ARHGAP24: variants seen among roughly 807,000 people sequenced by gnomAD.
The protein encoded by ARHGAP24 is Rho GTPase activating protein 24.
A neutral mutation model predicts 76.4 loss-of-function variants in ARHGAP24; 50 were observed. The ratio of observed to expected loss-of-function variants is 0.65; its 90% CI spans 0.52 to 0.83. ARHGAP24 has a LOEUF of 0.83. ARHGAP24 is among the 40% of genes least tolerant of loss of function. The probability of loss-of-function intolerance (pLI) is 0.00; values close to 1 mark genes in which losing one functional copy is unlikely to be tolerated. For missense variants in ARHGAP24, 930 were observed against 914.2 expected (o/e 1.02, Z -0.22); for synonymous variants, 345 against 323.3 (o/e 1.07, Z -0.72).
chr4:85,929,704 T>C (rs1560724427), intron 4 of ARHGAP24, among the ~76,000 whole-genome samples: 1 of 152,240 alleles, frequency 6.6e-6, no homozygotes, highest in Non-Finnish European at 1.5e-5. Context: ...TCTTTGCCAC[T>C]GGATTTTAAA....
At chr4:85,960,330 A>G (rs1396711442) in intron 5 of ARHGAP24, among the ~76,000 whole-genome samples, 1 of 152,160 alleles carries the variant, frequency 6.6e-6, no homozygotes, top group African/African-American at 2.4e-5. Context: ...TCTCTAAGGA[A>G]TTAATAGTAA....
At chr4:85,821,034 A>T (rs948240918) in intron 3 of ARHGAP24, among the ~76,000 whole-genome samples, 1 of 152,214 alleles carries the variant, frequency 6.6e-6, no homozygotes, top group Non-Finnish European at 1.5e-5. Flanking sequence ...GATTGGAGGT[A>T]CAACTAAAAA....
chr4:85,540,692 T>A (rs1243841102), intron 1 of ARHGAP24, among the ~76,000 whole-genome samples: 1 of 152,218 alleles, frequency 6.6e-6, no homozygotes, highest in Admixed American at 6.5e-5. Flanking sequence ...TAATCACATC[T>A]GGCTCCATGC....
At chr4:85,657,777 C>T (rs1478736074) in intron 2 of ARHGAP24, among the ~76,000 whole-genome samples, 1 of 152,184 alleles carries the variant, frequency 6.6e-6, no homozygotes, top group African/African-American at 2.4e-5. Flanking sequence ...TATTTTGAGA[C>T]AGGGTCTCAT....
At chr4:85,853,051 C>T (rs1731328597) in intron 3 of ARHGAP24, among the ~76,000 whole-genome samples, 2 of 152,224 alleles carry the variant, frequency 1.3e-5, no homozygotes, top group South Asian at 4.1e-4. Flanking sequence ...GTTTCTGCTG[C>T]CTTTTGTTCA....
chr4:85,513,140 A>G (rs1724348993), intron 1 of ARHGAP24, among the ~76,000 whole-genome samples: 1 of 152,272 alleles, frequency 6.6e-6, no homozygotes, highest in Non-Finnish European at 1.5e-5. Context: ...CCAATTATCC[A>G]CAGAAACATC....
intron 9 of ARHGAP24, 144 bp downstream of exon 9, chr4:85,995,801 G>A (rs1336322412): frequency 2.4e-6 from 2 of 820,382 alleles, no homozygotes; most frequent in Non-Finnish European, 4.0e-6. Flanking sequence ...CTTTGTGACT[G>A]TGTGCAAGTT....
At chr4:85,527,468 A>C (rs138644110) in intron 1 of ARHGAP24, among the ~76,000 whole-genome samples, 6 of 152,086 alleles carry the variant, frequency 3.9e-5, no homozygotes, top group Non-Finnish European at 7.4e-5. Context: ...TTTTATAAAA[A>C]AATTACAGAA....
At chr4:85,490,379 A>G (rs560181785) in intron 1 of ARHGAP24, among the ~76,000 whole-genome samples, 1 of 152,340 alleles carries the variant, frequency 6.6e-6, no homozygotes, top group African/African-American at 2.4e-5. Flanking sequence ...CCTCTGGTTC[A>G]TAGGAACCAG....
chr4:85,591,995 G>A (rs914053634), intron 2 of ARHGAP24, among the ~76,000 whole-genome samples: 10 of 152,104 alleles, frequency 6.6e-5, no homozygotes, highest in Non-Finnish European at 1.2e-4. Flanking sequence ...ATGGCAGAAG[G>A]GAAAGCAATT....
chr4:85,976,596 T>C (rs991585764), intron 7 of ARHGAP24, among the ~76,000 whole-genome samples: 66 of 152,178 alleles, frequency 4.3e-4, no homozygotes, highest in Non-Finnish European at 7.9e-4. Flanking sequence ...CATGAAATTA[T>C]AGAAGCTCTT....
At chr4:85,506,842 C>T (rs1249794743) in intron 1 of ARHGAP24, among the ~76,000 whole-genome samples, 1 of 152,186 alleles carries the variant, frequency 6.6e-6, no homozygotes, top group East Asian at 1.9e-4. Context: ...ACGCTGGGAG[C>T]TGCAGACTGG....
intron 3 of ARHGAP24, among the ~76,000 whole-genome samples, chr4:85,854,114 G>A (rs1312176625): frequency 8.9e-6 from 1 of 111,790 alleles, no homozygotes; most frequent in Non-Finnish European, 1.7e-5. Context: ...CAGCATGGGT[G>A]AAAAGAGTGA....
intron 3 of ARHGAP24, among the ~76,000 whole-genome samples, chr4:85,893,850 C>T (rs1474423717): frequency 2.1e-5 from 3 of 144,310 alleles, no homozygotes; most frequent in Non-Finnish European, 3.0e-5. Flanking sequence ...ATCGCAAGAA[C>T]AAAAAACCAA....
intron 2 of ARHGAP24, among the ~76,000 whole-genome samples, chr4:85,652,707 C>G (rs1003711107): frequency 2.6e-5 from 4 of 152,124 alleles, no homozygotes; most frequent in Non-Finnish European, 5.9e-5. Flanking sequence ...AAATAGGATG[C>G]ACAAATTTTT....
At chr4:85,849,232 G>C (rs1229344250) in intron 3 of ARHGAP24, among the ~76,000 whole-genome samples, 3 of 150,132 alleles carry the variant, frequency 2.0e-5, no homozygotes, top group Non-Finnish European at 4.4e-5. Flanking sequence ...GTTCACTCTT[G>C]ATTTGGCTCT....
At chr4:85,944,294 G>C (rs1737122234) in intron 5 of ARHGAP24, among the ~76,000 whole-genome samples, 1 of 152,070 alleles carries the variant, frequency 6.6e-6, no homozygotes, top group African/African-American at 2.4e-5. Context: ...GGATTACTTA[G>C]GATAAATTCT....
intron 2 of ARHGAP24, among the ~76,000 whole-genome samples, chr4:85,707,417 G>GA (rs144320367): frequency 0.74 from 97,740 of 132,958 alleles, 33,844 homozygotes; most frequent in Non-Finnish European, 0.83. Context: ...ACTGAGATAA[G>GA]AACGTTATTT....
intron 4 of ARHGAP24, among the ~76,000 whole-genome samples, chr4:85,932,643 T>C (rs937906797): frequency 6.6e-6 from 1 of 152,158 alleles, no homozygotes; most frequent in Non-Finnish European, 1.5e-5. Context: ...GGGGGGCTAT[T>C]TTTAAAGGCT....
Sources: allele counts gnomAD v4.1 joint callset (sites outside exome capture counted in the v4.1 genomes callset), GRCh38; gene constraint gnomAD v4.1.1; transcripts MANE v1.5; gene names NCBI Gene and HGNC (gene_info 2026-07-23, HGNC 2026-07-21).